BAG4: variants seen among roughly 807,000 people sequenced by gnomAD.
The protein encoded by BAG4 is BAG family molecular chaperone regulator 4.
BAG4 carries 28 observed loss-of-function variants against 52.1 expected under a neutral mutation model. That is an observed-to-expected ratio of 0.54 (90% CI 0.40 to 0.74). The LOEUF is 0.74. Among genes scored for constraint, BAG4 ranks in the 30% least tolerant of loss-of-function variants. The probability of loss-of-function intolerance (pLI) is 0.00; values close to 1 mark genes in which losing one functional copy is unlikely to be tolerated. For synonymous variants in BAG4, 208 were observed against 217.0 expected (o/e 0.96, Z 0.37); for missense variants, 525 against 572.0 (o/e 0.92, Z 0.84).
Position 38,205,282 on chromosome 8 carries a change from T to C in BAG4, c.379-2230T>C, listed in dbSNP as rs1264558624. Among the ~76,000 whole-genome samples, 19 of 133,846 alleles carry C rather than the reference T, an allele frequency of 1.4e-4. No homozygotes were observed. The Admixed American group carries it at 1.4e-3, about 10-fold the overall frequency. 87.8% of individuals were successfully genotyped at this position (133,846 alleles called of 152,430 possible). On this transcript the variant is annotated intron_variant, in intron 2 of 4. Transcript: ENST00000287322. ...ACAGGCTGTTCTCAGACTCCTGGGC[T>C]CAAGCAATCCTCCCACCTTGGCTTC...
At chr8:38,180,522 CAAAAAAAAAAAA>C (rs1161178024) in intron 1 of BAG4, among the ~76,000 whole-genome samples, 8 of 26,498 alleles carry the variant, frequency 3.0e-4, no homozygotes, top group African/African-American at 6.8e-4. Flanking sequence ...GACTCCGTCT[CAAAAAAAAAAAA>C]AAAAAAAAAA....
Position 38,212,993 on chromosome 8 carries a change from T to TATTCAGGATA in BAG4, c.*2502_*2511dup, listed in dbSNP as rs1803888125. 1 of 152,220 alleles carries TATTCAGGATA rather than the reference T, an allele frequency of 6.6e-6. No homozygotes were observed. The highest frequency in any genetic ancestry group is 1.5e-5 in the Non-Finnish European group (1 of 68,042). 9.4% of individuals were successfully genotyped at this position (152,220 alleles called of 1,614,324 possible). ...ATTTATATTTTTAACTATAATAAGA[T>TATTCAGGATA]ATTCAGGATAAGTATAGATTTAGAA... On this transcript the variant is annotated 3_prime_UTR_variant, in exon 5 of 5. Coordinates refer to ENST00000287322, the MANE Select transcript of BAG4 (RefSeq NM_004874.4).
At chr8:38,196,923 A>G (rs113407804) in intron 2 of BAG4, among the ~76,000 whole-genome samples, 30,293 of 151,162 alleles carry the variant, frequency 0.2, 3,430 homozygotes, top group East Asian at 0.31. Context: ...CTAAAAATAC[A>G]AAAATTAGCT....
chr8:38,182,453 TC>T (rs1337636185), intron 1 of BAG4, among the ~76,000 whole-genome samples: 1 of 152,234 alleles, frequency 6.6e-6, no homozygotes, highest in East Asian at 1.9e-4. Flanking sequence ...TTGACTCCAG[TC>T]TTCAGCTGGG....
intron 1 of BAG4, among the ~76,000 whole-genome samples, chr8:38,181,477 C>G (rs934972260): frequency 6.6e-6 from 1 of 151,988 alleles, no homozygotes; most frequent in African/African-American, 2.4e-5. Context: ...TGTCTCACGC[C>G]TGTAATCCCA....
At chr8:38,178,389 A>T (rs1803206333) in intron 1 of BAG4, among the ~76,000 whole-genome samples, 1 of 152,202 alleles carries the variant, frequency 6.6e-6, no homozygotes, top group Non-Finnish European at 1.5e-5. Flanking sequence ...TCCTGACCTC[A>T]AGTGATCCCC....
At chr8:38,209,623 CCA>C (rs1563286298) in intron 4 of BAG4, 2 of 365,650 alleles carry the variant, frequency 5.5e-6, no homozygotes, top group Non-Finnish European at 9.9e-6. Context: ...TGTATTTAAA[CCA>C]CAGACTTGAA....
At chr8:38,181,239 T>A (rs998346722) in intron 1 of BAG4, among the ~76,000 whole-genome samples, 86 of 151,340 alleles carry the variant, frequency 5.7e-4, no homozygotes, top group Non-Finnish European at 7.8e-4. Flanking sequence ...TTTTTTTTTT[T>A]AAATTTTTTT....
intron 1 of BAG4, among the ~76,000 whole-genome samples, chr8:38,179,823 A>G (rs894641885): frequency 2.6e-5 from 4 of 152,192 alleles, no homozygotes; most frequent in Admixed American, 6.5e-5. Context: ...TCTGGAATAC[A>G]TAGGTCATGG....
chr8:38,190,418 G>A (rs1289119328), intron 1 of BAG4, among the ~76,000 whole-genome samples: 14 of 151,830 alleles, frequency 9.2e-5, no homozygotes, highest in Admixed American at 9.2e-4. Context: ...TGGTTATCAA[G>A]TCAGTAGGTT....
chr8:38,187,866 CAA>C (rs35690753), intron 1 of BAG4, among the ~76,000 whole-genome samples: 11 of 56,056 alleles, frequency 2.0e-4, no homozygotes, highest in African/African-American at 4.4e-4. Context: ...ACTAAAAATA[CAA>C]AAAAAAAAAA....
rs1048459576 is a variant in BAG4 at position 38,210,953 on chromosome 8, A to G, written c.*460A>G. 5 of 153,968 alleles carry G rather than the reference A, an allele frequency of 3.2e-5. No individual in the cohort carries two copies. The highest frequency in any genetic ancestry group is 1.2e-4 in the African/African-American group (5 of 41,436). The allele number at this position is 153,968 out of a possible 1,614,324, so 9.5% of individuals were successfully genotyped here. A position where few individuals can be genotyped will look rare whatever the true frequency, so the allele number is the denominator to read the frequency against. On this transcript the variant is annotated 3_prime_UTR_variant, in exon 5 of 5. Transcript: ENST00000287322. ...TACTTCATGTGTAATTATAGCTTAG[A>G]CTTTAGCCTTCTTGGACTTCTGTTT...
In BAG4 at chr8:38,212,321, T is replaced by C. The variant is rs1803879182; in HGVS notation, c.*1828T>C. On this transcript the variant is annotated 3_prime_UTR_variant, in exon 5 of 5. Coordinates refer to ENST00000287322, the MANE Select transcript of BAG4 (RefSeq NM_004874.4). ...AATTTCCATGAAGTCTTGATTTATA[T>C]ATATGTACACATGTTATGCACATAC... 1 of 152,182 alleles carries C rather than the reference T, an allele frequency of 6.6e-6. No homozygotes were observed. The highest frequency in any genetic ancestry group is 2.4e-5 in the African/African-American group (1 of 41,440). The allele number at this position is 152,182 out of a possible 1,614,324, so 9.4% of individuals were successfully genotyped here. A position where few individuals can be genotyped will look rare whatever the true frequency, so the allele number is the denominator to read the frequency against.
intron 1 of BAG4, among the ~76,000 whole-genome samples, chr8:38,190,593 A>G (rs894315256): frequency 7.2e-6 from 1 of 138,302 alleles, no homozygotes; most frequent in African/African-American, 2.7e-5. Context: ...CATCACGCCC[A>G]CCTGACATTT....
At chr8:38,193,964 C>A (rs1463661691) in intron 2 of BAG4, among the ~76,000 whole-genome samples, 1 of 152,124 alleles carries the variant, frequency 6.6e-6, no homozygotes, top group Non-Finnish European at 1.5e-5. Context: ...GTCTCAATCT[C>A]TTGACCTGGT....
chr8:38,201,832 ATT>A, intron 2 of BAG4: 1 of 49,212 alleles, frequency 2.0e-5, no homozygotes, highest in African/African-American at 7.8e-5. Context: ...TGAGTGTGGA[ATT>A]TATATATATA....
chr8:38,207,899 CT>C (rs1803799895), intron 3 of BAG4, 133 bp downstream of exon 3: 1 of 1,132,144 alleles, frequency 8.8e-7, no homozygotes, highest in Non-Finnish European at 1.2e-6. Flanking sequence ...ATATTGATGC[CT>C]TTCTTATTTG....
chr8:38,206,925 T>A (rs1295075503), intron 2 of BAG4, among the ~76,000 whole-genome samples: 1 of 151,278 alleles, frequency 6.6e-6, no homozygotes, highest in African/African-American at 2.4e-5. Context: ...GGACTACAGA[T>A]GTGTGCCATG....
chr8:38,183,225 T>C (rs552822436), intron 1 of BAG4, among the ~76,000 whole-genome samples: 1 of 151,932 alleles, frequency 6.6e-6, no homozygotes, highest in South Asian at 2.1e-4. Flanking sequence ...TTTTTTGTAT[T>C]TTTAGTAGAG....
Sources: allele counts gnomAD v4.1 joint callset (sites outside exome capture counted in the v4.1 genomes callset), GRCh38; gene constraint gnomAD v4.1.1; transcripts MANE v1.5; gene names NCBI Gene and HGNC (gene_info 2026-07-23, HGNC 2026-07-21).